The following STXBP5L variants were observed in gnomAD, a reference collection of about 807,000 sequenced individuals.
STXBP5L encodes syntaxin-binding protein 5-like.
A neutral mutation model predicts 144.5 loss-of-function variants in STXBP5L; 65 were observed. The observed-to-expected ratio is 0.45, with a 90% CI of 0.37 to 0.55. STXBP5L has a LOEUF of 0.55. Ranked by LOEUF, STXBP5L falls within the 20% of genes least tolerant of loss-of-function variation. STXBP5L has a pLI of 0.00. For synonymous variants in STXBP5L, 505 were observed against 469.6 expected, an observed-to-expected ratio of 1.08 and a Z score of -0.97; for missense variants, 1,298 against 1,405.5, an observed-to-expected ratio of 0.92 and a Z score of 1.22.
chr3:121,205,078 C>G (rs907173834), intron 9 of STXBP5L, among the ~76,000 whole-genome samples: 1 of 152,046 alleles, frequency 6.6e-6, no homozygotes, highest in Non-Finnish European at 1.5e-5. Context: ...CTTTAAATAG[C>G]AAGTATTTCT....
chr3:120,954,800 A>G, intron 2 of STXBP5L, 140 bp from the exon 3 acceptor site: 1 of 556,634 alleles, frequency 1.8e-6, no homozygotes, highest in South Asian at 3.0e-5. Flanking sequence ...AGGTTACTCC[A>G]TCTCTGTGTT....
intron 7 of STXBP5L, among the ~76,000 whole-genome samples, chr3:121,136,716 G>A (rs1374547491): frequency 1.3e-5 from 2 of 152,276 alleles, no homozygotes; most frequent in Non-Finnish European, 2.9e-5. Context: ...ATCCAAGAGT[G>A]TCATTGCTGG....
intron 22 of STXBP5L, among the ~76,000 whole-genome samples, chr3:121,392,779 ATATATAT>A (rs2046624912): frequency 1.8e-5 from 1 of 54,728 alleles, no homozygotes; most frequent in Non-Finnish European, 4.3e-5. Context: ...GCATATATAT[ATATATAT>A]ATATATATAT....
rs1038288619 is a variant in STXBP5L at position 121,188,195 on chromosome 3, A to G, written c.878-17728A>G. Among the ~76,000 whole-genome samples the G allele has an allele frequency of 5.9e-5, 9 of 152,316 alleles. No homozygotes were observed. The East Asian group carries it at 1.5e-3, about 26-fold the overall frequency. ...TCTGCACCAAGTGGACCTAATAGAC[A>G]TCTACAGAACTCTCCACCCCAAATC... On this transcript the variant is annotated intron_variant, in intron 9 of 26. Transcript: ENST00000471454.
chr3:120,999,998 C>T (rs1415584604), intron 3 of STXBP5L, among the ~76,000 whole-genome samples: 1 of 152,140 alleles, frequency 6.6e-6, no homozygotes, highest in Non-Finnish European at 1.5e-5. Flanking sequence ...TGATGGGGCT[C>T]CCTTTTTAGG....
chr3:121,191,728 G>GA (rs2047693573), intron 9 of STXBP5L, among the ~76,000 whole-genome samples: 1 of 152,164 alleles, frequency 6.6e-6, no homozygotes. Flanking sequence ...ACTGGATTAA[G>GA]AAAATGTGGC....
chr3:121,166,892 A>C (rs2046520665), intron 9 of STXBP5L, among the ~76,000 whole-genome samples: 1 of 152,330 alleles, frequency 6.6e-6, no homozygotes. Context: ...ATGATAAGGC[A>C]ATTGTGGAAA....
intron 5 of STXBP5L, among the ~76,000 whole-genome samples, chr3:121,075,382 C>A (rs1171598946): frequency 6.6e-6 from 1 of 152,184 alleles, no homozygotes; most frequent in Non-Finnish European, 1.5e-5. Context: ...AAACCGGTTT[C>A]TCTTCCAACT....
chr3:121,127,891 T>G lies in STXBP5L; in HGVS notation c.669+6187T>G, dbSNP rs545425345. ...ACAGTTTCCCTTTTCTGGGTGACCG[T>G]GTAATGACTTCACCTAAAATAATTT... is the stretch of plus-strand genomic sequence containing the variant. On this transcript the variant is annotated intron_variant, in intron 7 of 26. Transcript: ENST00000471454. Among the ~76,000 whole-genome samples the G allele has an allele frequency of 2.0e-4, 31 of 151,962 alleles. No homozygotes were observed. In the South Asian group the frequency reaches 5.8e-3, roughly 29 times the overall value.
intron 5 of STXBP5L, among the ~76,000 whole-genome samples, chr3:121,097,183 C>T (rs557977713): frequency 1.3e-5 from 2 of 152,300 alleles, no homozygotes; most frequent in South Asian, 4.1e-4. Flanking sequence ...CCTCCCCACA[C>T]CAAGCTCAAT....
chr3:120,909,880 T>A, intron 2 of STXBP5L, 113 bp downstream of exon 2: 1 of 1,136,310 alleles, frequency 8.8e-7, no homozygotes, highest in East Asian at 2.8e-5. Context: ...AGCATCAGAG[T>A]CTGCTGCAGA....
intron 5 of STXBP5L, among the ~76,000 whole-genome samples, chr3:121,082,145 C>A (rs991794468): frequency 6.6e-5 from 10 of 150,524 alleles, no homozygotes; most frequent in African/African-American, 2.0e-4. Context: ...TTTTACTTTT[C>A]AAAAAAAAAT....
At chr3:121,074,347 C>T (rs1461488310) in intron 5 of STXBP5L, among the ~76,000 whole-genome samples, 1 of 152,176 alleles carries the variant, frequency 6.6e-6, no homozygotes, top group African/African-American at 2.4e-5. Flanking sequence ...TTATTTATGG[C>T]CCGCAAATCC....
chr3:120,987,255 C>G (rs185966897), intron 3 of STXBP5L, among the ~76,000 whole-genome samples: 332 of 152,056 alleles, frequency 2.2e-3, no homozygotes, highest in Non-Finnish European at 3.7e-3. Context: ...TATGAATGGT[C>G]TAGTATTTCC....
rs189941783 is a variant in STXBP5L, at chr3:120,979,024, C to T, written c.287+23987C>T. Among the ~76,000 whole-genome samples the T allele has an allele frequency of 4.7e-4, 72 of 152,298 alleles. 1 individual carries two copies. The East Asian group carries it at 0.013, about 28-fold the overall frequency. On this transcript the variant is annotated intron_variant, in intron 3 of 26. Transcript: ENST00000471454. ...GGGACCCACTTGAGGAGGCAGTCTG[C>T]CCGTTCTCAGATCTCCAGCTGCATG...
At chr3:121,222,273 A>G (rs1187661863) in intron 10 of STXBP5L, among the ~76,000 whole-genome samples, 1 of 152,118 alleles carries the variant, frequency 6.6e-6, no homozygotes, top group Non-Finnish European at 1.5e-5. Context: ...TCAGATAGCT[A>G]TAATGTTTTA....
chr3:121,056,264 G>A (rs1278138599), intron 5 of STXBP5L, among the ~76,000 whole-genome samples: 2 of 152,088 alleles, frequency 1.3e-5, no homozygotes, highest in Non-Finnish European at 2.9e-5. Flanking sequence ...AGCAGTCCTT[G>A]CTATCACAAT....
chr3:121,320,591 C>T (rs1302049336), intron 20 of STXBP5L, among the ~76,000 whole-genome samples: 2 of 151,736 alleles, frequency 1.3e-5, no homozygotes, highest in South Asian at 2.1e-4. Flanking sequence ...ATTATAATTG[C>T]TGTCAGTTTT....
intron 14 of STXBP5L, among the ~76,000 whole-genome samples, chr3:121,244,024 G>A (rs1444359950): frequency 2.0e-5 from 3 of 151,956 alleles, no homozygotes; most frequent in Non-Finnish European, 4.4e-5. Flanking sequence ...AAAATTAAAG[G>A]AGCACTGGAA....
Sources: gnomAD v4.1 joint callset for allele counts (sites outside exome capture counted in the v4.1 genomes callset) on GRCh38, gnomAD v4.1.1 for gene constraint, MANE v1.5 for transcripts, NCBI Gene and HGNC (gene_info 2026-07-23, HGNC 2026-07-21) for gene names.